The following PCDHA5 variants were observed in gnomAD, a reference collection of about 807,000 sequenced individuals.
PCDHA5 encodes protocadherin alpha 5.
In PCDHA5, 43 loss-of-function variants were observed where a neutral mutation model predicts 61.6. The observed-to-expected ratio is 0.70, with a 90% CI of 0.55 to 0.90. PCDHA5 has a LOEUF of 0.90. PCDHA5 is among the 40% of genes least tolerant of loss of function. The pLI is 0.00. For missense variants in PCDHA5, 1,298 were observed against 1,222.7 expected (o/e 1.06, Z -0.92); for synonymous variants, 627 against 543.9 (o/e 1.15, Z -2.13).
In PCDHA5 at chr5:140,967,305, A is replaced by G. The variant is rs782005994; in HGVS notation, c.2353-11644A>G. On this transcript the variant is annotated intron_variant, in intron 1 of 3. Transcript: ENST00000529859. ...GCGCAGGACCCCGACGTGGGCGCCA[A>G]CTCAGTACAGACCTACGAGCTCAGC... The G allele has an allele frequency of 5.7e-5, 92 of 1,612,346 alleles. 1 individual carries two copies. The South Asian group carries it at 9.7e-4, about 17-fold the overall frequency.
At chr5:140,895,367 CT>C (rs35382025) in intron 1 of PCDHA5, among the ~76,000 whole-genome samples, 1 of 152,014 alleles carries the variant, frequency 6.6e-6, no homozygotes, top group Non-Finnish European at 1.5e-5. Context: ...CTTATTGGCA[CT>C]TTTTGGAGTT....
intron 1 of PCDHA5, chr5:140,829,824 G>A: frequency 6.2e-7 from 1 of 1,613,914 alleles, no homozygotes; most frequent in East Asian, 2.2e-5. Context: ...GGTGCAGTGA[G>A]CGAGCTGGTG....
chr5:140,975,848 T>C (rs1345383470), intron 1 of PCDHA5, among the ~76,000 whole-genome samples: 1 of 152,234 alleles, frequency 6.6e-6, no homozygotes, highest in Non-Finnish European at 1.5e-5. Flanking sequence ...TCAGTAATAC[T>C]ACATCACCCA....
rs782647258 is a variant in PCDHA5 at position 140,869,948 on chromosome 5, T to A, written c.2352+45821T>A. The A allele has an allele frequency of 3.7e-6, 6 of 1,612,586 alleles. No individual in the cohort carries two copies. The South Asian group carries it at 5.5e-5, about 15-fold the overall frequency. ...AATGGAGAGGTAACATACTCCTTAA[T>A]GTCAATTAAGCCCAATGGAAGACAC... On this transcript the variant is annotated intron_variant, in intron 1 of 3. Coordinates refer to ENST00000529859, the MANE Select transcript of PCDHA5 (RefSeq NM_018908.3).
At chr5:140,897,419 A>G (rs1329501260) in intron 1 of PCDHA5, among the ~76,000 whole-genome samples, 2 of 141,212 alleles carry the variant, frequency 1.4e-5, no homozygotes, top group East Asian at 4.3e-4. Flanking sequence ...ATTCCCATCT[A>G]TGAGTGAGAA....
chr5:140,928,459 T>C (rs2085267166), intron 1 of PCDHA5: 1 of 1,614,106 alleles, frequency 6.2e-7, no homozygotes, highest in Non-Finnish European at 8.5e-7. Flanking sequence ...GGGGTTTCAT[T>C]TCCAAGTAGA....
chr5:140,885,485 T>C (rs2060611651), intron 1 of PCDHA5, among the ~76,000 whole-genome samples: 1 of 152,188 alleles, frequency 6.6e-6, no homozygotes, highest in Non-Finnish European at 1.5e-5. Context: ...GTGTCAAGTG[T>C]TCTGTTATCT....
intron 1 of PCDHA5, among the ~76,000 whole-genome samples, chr5:140,855,675 G>T (rs1554147907): frequency 6.7e-6 from 1 of 149,648 alleles, no homozygotes; most frequent in African/African-American, 2.5e-5. Context: ...TACTCTGAGA[G>T]TCTACATTTA....
chr5:140,831,011 C>T (rs1473200550), intron 1 of PCDHA5: 6 of 152,166 alleles, frequency 3.9e-5, no homozygotes, highest in Non-Finnish European at 5.9e-5. Flanking sequence ...CTGTGGTTCC[C>T]TTTTCAGACT....
intron 1 of PCDHA5, among the ~76,000 whole-genome samples, chr5:140,909,749 C>T (rs141984152): frequency 6.6e-6 from 1 of 152,114 alleles, no homozygotes; most frequent in African/African-American, 2.4e-5. Context: ...GGGGAAATGA[C>T]CACAGGATGA....
In PCDHA5 at chr5:140,823,505, GCGAGCTGGTGC is replaced by G. The variant is rs2150126511; in HGVS notation, c.1735_1745del (p.Leu579ValfsTer17). ...GTGGGTGGCACCGGCGGCGCAGTGA[GCGAGCTGGTGC>G]CGAGGTCAGTGGGTGCGGGCCACGT... On this transcript the variant is annotated frameshift_variant, in exon 1 of 4. Coordinates refer to ENST00000529859, the MANE Select transcript of PCDHA5 (RefSeq NM_018908.3). LOFTEE classifies it high-confidence loss of function. 4.3e-5 allele frequency: 70 copies of G among 1,613,446 alleles called. 2 individuals are homozygous for G. The Middle Eastern group carries it at 1.0e-3, about 23-fold the overall frequency.
intron 1 of PCDHA5, among the ~76,000 whole-genome samples, chr5:140,948,219 T>G (rs1285446038): frequency 6.6e-6 from 1 of 151,682 alleles, no homozygotes; most frequent in Non-Finnish European, 1.5e-5. Context: ...CAAACATTGT[T>G]AGATTTAACT....
rs372608018 is a variant in PCDHA5, at chr5:140,875,736, T to C, written c.2352+51609T>C. The C allele has an allele frequency of 2.5e-6, 4 of 1,614,088 alleles. No homozygotes were observed. The African/African-American group carries it at 4.0e-5, about 16-fold the overall frequency. ...AGAATGGCATTTTGTTTGTGAATTCTCGGATCGACCGCGAGAAGCTGTGCG... is the reference window on the plus strand; with the variant it reads ...AGAATGGCATTTTGTTTGTGAATTCCCGGATCGACCGCGAGAAGCTGTGCG... On this transcript the variant is annotated intron_variant, in intron 1 of 3. Transcript: ENST00000529859.
At chr5:140,874,144 T>A (rs1554167057) in intron 1 of PCDHA5, among the ~76,000 whole-genome samples, 1 of 152,244 alleles carries the variant, frequency 6.6e-6, no homozygotes, top group Non-Finnish European at 1.5e-5. Context: ...CTTATACTTG[T>A]AGAGCCATTC....
Position 140,886,842 on chromosome 5 carries a change from A to AG in PCDHA5, c.2352+62715_2352+62716insG, listed in dbSNP as rs1190647876. ...ACTTCGTCTTGAAAAAAAAAAAAAA[A>AG]AAAAAGAAAGGTCTTCCCAACTCCT... is the stretch of plus-strand genomic sequence containing the variant. On this transcript the variant is annotated intron_variant, in intron 1 of 3. Coordinates refer to ENST00000529859, the MANE Select transcript of PCDHA5 (RefSeq NM_018908.3). 2.4e-3 allele frequency among the ~76,000 whole-genome samples: 362 copies of AG among 151,632 alleles called. 2 individuals are homozygous for AG. Among genetic ancestry groups the AG allele is most frequent in the Middle Eastern group, 0.014 (4 of 292 alleles).
intron 1 of PCDHA5, chr5:140,929,269 A>G (rs138062218): frequency 3.0e-5 from 49 of 1,611,106 alleles, no homozygotes; most frequent in African/African-American, 5.3e-5. Context: ...GAATTTGCCA[A>G]TATCCTGTAT....
intron 3 of PCDHA5, among the ~76,000 whole-genome samples, chr5:140,987,890 C>T (rs1554249653): frequency 1.3e-5 from 2 of 152,020 alleles, no homozygotes; most frequent in African/African-American, 4.8e-5. Flanking sequence ...TTTATGTGCC[C>T]TAGTTTTATA....
At chr5:140,906,265 TATAG>T (rs1455952624) in intron 1 of PCDHA5, among the ~76,000 whole-genome samples, 7 of 152,148 alleles carry the variant, frequency 4.6e-5, no homozygotes, top group African/African-American at 1.2e-4. Context: ...CTCCTGAAAT[TATAG>T]ATAATCTTCA....
At chr5:140,935,796 G>A (rs2090564598) in intron 1 of PCDHA5, among the ~76,000 whole-genome samples, 2 of 150,224 alleles carry the variant, frequency 1.3e-5, no homozygotes, top group African/African-American at 2.5e-5. Flanking sequence ...AAATATAAAC[G>A]AGATTATTTC....
Sources: gnomAD v4.1 joint callset for allele counts (sites outside exome capture counted in the v4.1 genomes callset) on GRCh38, gnomAD v4.1.1 for gene constraint, MANE v1.5 for transcripts, NCBI Gene and HGNC (gene_info 2026-07-23, HGNC 2026-07-21) for gene names.